The following PCNT variants were observed in gnomAD, a reference collection of about 807,000 sequenced individuals.
PCNT encodes the protein kendrin.
Under a neutral mutation model 380.4 loss-of-function variants are expected in PCNT, and 319 were observed. The observed-to-expected ratio is 0.84, with a 90% CI of 0.77 to 0.92. The LOEUF (loss-of-function observed/expected upper bound fraction) is 0.92, where lower values mean the gene tolerates loss of function less well. PCNT is among the 40% of genes least tolerant of loss of function. PCNT has a pLI of 0.00. For synonymous variants in PCNT, 1,845 were observed against 1,735.2 expected (o/e 1.06, Z -1.57); for missense variants, 4,400 against 4,255.3 (o/e 1.03, Z -0.95).
intron 3 of PCNT, among the ~76,000 whole-genome samples, chr21:46,341,792 A>G (rs764492566): frequency 6.6e-6 from 1 of 151,918 alleles, no homozygotes; most frequent in Non-Finnish European, 1.5e-5. Flanking sequence ...CAGTCTTTCT[A>G]CTCAGCCTCC....
chr21:46,356,916 G>A, intron 12 of PCNT, 58 bp from the exon 13 acceptor site: 2 of 1,465,410 alleles, frequency 1.4e-6, no homozygotes, highest in Non-Finnish European at 1.9e-6. Flanking sequence ...TGCGGACTGT[G>A]GGCTCCATCG....
intron 44 of PCNT, chr21:46,443,311 G>A (rs2053660059): frequency 5.9e-6 from 1 of 170,166 alleles, no homozygotes; most frequent in African/African-American, 2.4e-5. Flanking sequence ...TTGAACTCGT[G>A]GGCTCAAGCC....
intron 2 of PCNT, among the ~76,000 whole-genome samples, chr21:46,330,127 C>CT (rs901625348): frequency 2.6e-5 from 4 of 151,794 alleles, no homozygotes; most frequent in African/African-American, 9.7e-5. Flanking sequence ...CTTTTTCCCC[C>CT]TTTTTTTTGA....
chr21:46,444,340 G>T (rs1837969778), intron 45 of PCNT, among the ~76,000 whole-genome samples: 1 of 152,202 alleles, frequency 6.6e-6, no homozygotes, highest in Non-Finnish European at 1.5e-5. Context: ...AAGGACAGCT[G>T]AGGTGAGGAC....
chr21:46,407,657 T>TTGTAA (rs2086660745), intron 27 of PCNT, among the ~76,000 whole-genome samples: 1 of 152,250 alleles, frequency 6.6e-6, no homozygotes, highest in Non-Finnish European at 1.5e-5. Context: ...CTTTCTCATT[T>TTGTAA]TGTAACTGTT....
chr21:46,443,032 A>G (rs2148120886), intron 44 of PCNT: 1 of 219,502 alleles, frequency 4.6e-6, no homozygotes, highest in Non-Finnish European at 9.3e-6. Flanking sequence ...GCCCCAGAGC[A>G]GGGCATTTCC....
chr21:46,363,891 G>C lies in PCNT; in HGVS notation c.2566G>C (p.Val856Leu), dbSNP rs143023746. 2.5e-6 allele frequency: 4 copies of C among 1,611,828 alleles called. No individual in the cohort carries two copies. Among genetic ancestry groups the C allele is most frequent in the Admixed American group, 3.3e-5 (2 of 60,014 alleles). The stretch of plus-strand genomic sequence containing the variant: ...GGACGGGGAGCTTGCTGCGCTCCAC[G>C]TGAAGGAAGACTGCGCCCTGCAGCT... The part of the protein sequence containing the change: ...AQDGELAALH[V>L]KEDCALQLML... Residue 856 changes from valine to leucine, a missense_variant, in exon 14 of 47, where the codon GTG (valine) becomes CTG (leucine). Physicochemically the swap from Val to Leu is conservative, Grantham distance 32. Transcript: ENST00000359568.
intron 3 of PCNT, among the ~76,000 whole-genome samples, chr21:46,339,133 C>G (rs946229121): frequency 6.6e-6 from 1 of 152,162 alleles, no homozygotes; most frequent in Non-Finnish European, 1.5e-5. Flanking sequence ...CCAGGCTGAT[C>G]TCGAACTCAT....
At chr21:46,379,681 G>A (rs1197477691) in intron 15 of PCNT, among the ~76,000 whole-genome samples, 2 of 152,022 alleles carry the variant, frequency 1.3e-5, no homozygotes, top group African/African-American at 2.4e-5. Context: ...ATCTTCCAGC[G>A]TGTGAATTCT....
intron 29 of PCNT, among the ~76,000 whole-genome samples, chr21:46,415,168 G>A (rs969724193): frequency 2.0e-5 from 3 of 152,196 alleles, no homozygotes; most frequent in East Asian, 1.9e-4. Flanking sequence ...CACCTCATTG[G>A]CGTTTAGAGC....
At chr21:46,367,706 G>A (rs545143092) in intron 15 of PCNT, among the ~76,000 whole-genome samples, 34 of 152,298 alleles carry the variant, frequency 2.2e-4, no homozygotes, top group African/African-American at 7.9e-4. Context: ...CCTAGACCTT[G>A]GTGGGGGATT....
At chr21:46,428,345 C>A in intron 34 of PCNT, 50 bp from the exon 35 acceptor site, 2 of 1,549,058 alleles carry the variant, frequency 1.3e-6, no homozygotes, top group Non-Finnish European at 1.8e-6. Context: ...AAGGCCGGGG[C>A]ATGGGGTGGC....
intron 15 of PCNT, among the ~76,000 whole-genome samples, chr21:46,374,623 G>C (rs933834875): frequency 1.3e-5 from 2 of 152,146 alleles, no homozygotes; most frequent in Non-Finnish European, 2.9e-5. Context: ...GCCGAGGCGG[G>C]TGCATCACCT....
chr21:46,389,149 G>A (rs776535280), intron 18 of PCNT, 50 bp from the exon 19 acceptor site: 12 of 1,566,452 alleles, frequency 7.7e-6, no homozygotes, highest in South Asian at 2.2e-5. Flanking sequence ...CCATGGCCGC[G>A]GCCGGCTTGC....
In PCNT at chr21:46,411,840, C is replaced by T. The variant is rs119479062; in HGVS notation, c.5767C>T (p.Arg1923Ter). Residue 1923 changes from arginine to a stop codon, truncating the protein, a stop_gained, in exon 28 of 47, where the codon CGA (arginine) becomes TGA (stop). Transcript: ENST00000359568. LOFTEE classifies it high-confidence loss of function. The part of the protein sequence containing the change: ...GAAPPELQWL[R>*]AQCARLSRQL... ...GGCGCCTCCCGAGCTGCAGTGGCTC[C>T]GAGCGCAGTGTGCCCGCCTCAGCCG... 1.8e-5 allele frequency: 28 copies of T among 1,560,784 alleles called. No homozygotes were observed. Among genetic ancestry groups the T allele is most frequent in the Non-Finnish European group, 2.2e-5 (26 of 1,158,890 alleles).
chr21:46,372,201 G>C (rs1010560062), intron 15 of PCNT, among the ~76,000 whole-genome samples: 5 of 142,514 alleles, frequency 3.5e-5, no homozygotes, highest in East Asian at 4.3e-4. Flanking sequence ...CACACACACA[G>C]AGAGCACATG....
Position 46,348,994 on chromosome 21 carries a change from T to A in PCNT, c.1033-18T>A. The A allele has an allele frequency of 6.7e-7, 1 of 1,486,570 alleles. No individual in the cohort carries two copies. The highest frequency in any genetic ancestry group is 1.1e-5 in the South Asian group (1 of 87,774). The allele number at this position is 1,486,570 out of a possible 1,614,324, so 92.1% of individuals were successfully genotyped here. On this transcript the variant is annotated intron_variant, in intron 6 of 46. Transcript: ENST00000359568. ...GATAATCAACTATTGAGTTTAATTT[T>A]TTTTTCTTTTAAATTAGACCCTGAA...
intron 13 of PCNT, among the ~76,000 whole-genome samples, chr21:46,359,937 A>G (rs1245889351): frequency 4.0e-5 from 6 of 148,764 alleles, no homozygotes; most frequent in African/African-American, 1.0e-4. Context: ...GCTCACTGCA[A>G]CCTCTTCCTC....
At chr21:46,372,738 G>A (rs1395962848) in intron 15 of PCNT, among the ~76,000 whole-genome samples, 1 of 152,314 alleles carries the variant, frequency 6.6e-6, no homozygotes, top group East Asian at 1.9e-4. Flanking sequence ...GCCGGATTCT[G>A]AGGTTAGAAA....
Sources: gnomAD v4.1 joint callset for allele counts (sites outside exome capture counted in the v4.1 genomes callset) on GRCh38, gnomAD v4.1.1 for gene constraint, MANE v1.5 for transcripts, NCBI Gene and HGNC (gene_info 2026-07-23, HGNC 2026-07-21) for gene names.